RIC3: variants seen among roughly 807,000 people sequenced by gnomAD.
The protein encoded by RIC3 is RIC3 acetylcholine receptor chaperone, also known as protein RIC-3.
A neutral mutation model predicts 27.3 loss-of-function variants in RIC3; 28 were observed. The observed-to-expected ratio is 1.02, with a 90% CI of 0.76 to 1.41. The LOEUF (loss-of-function observed/expected upper bound fraction) is 1.41. RIC3 is among the 40% of genes most tolerant of loss of function. RIC3 has a pLI of 0.00. For missense variants in RIC3, 501 were observed against 444.7 expected, an observed-to-expected ratio of 1.13 and a Z score of -1.14; for synonymous variants, 184 against 160.4, an observed-to-expected ratio of 1.15 and a Z score of -1.11.
At chr11:8,098,006 T>C in the RIC3 span, among the ~76,000 whole-genome samples, 1 of 152,044 alleles carries the variant, frequency 6.6e-6, no homozygotes. Flanking sequence ...AGAGCCAGAC[T>C]TGGAGATGGG....
chr11:8,116,136 A>AAC (rs59797675), intron 5 of RIC3, among the ~76,000 whole-genome samples: 9 of 151,948 alleles, frequency 5.9e-5, no homozygotes, highest in East Asian at 1.9e-4. Context: ...CAAAAAATAA[A>AAC]ACACACACAC....
At chr11:8,145,200 A>ATT in intron 1 of RIC3, among the ~76,000 whole-genome samples, 1 of 108,828 alleles carries the variant, frequency 9.2e-6, no homozygotes, top group South Asian at 2.9e-4. Context: ...TTAAAAAAAA[A>ATT]TTAAAAAAAA....
chr11:8,097,963 C>G, the RIC3 span: 5 of 681,486 alleles, frequency 7.3e-6, no homozygotes, highest in Non-Finnish European at 1.3e-5. Context: ...CTGATAATCA[C>G]ATCCAACTGG....
rs1429382481 is a variant in RIC3, at chr11:8,139,849, A to C, written c.351+118T>G. 5.6e-6 allele frequency: 5 copies of C among 887,196 alleles called. No homozygotes were observed. The East Asian group carries it at 1.3e-4, about 23-fold the overall frequency. The allele number at this position is 887,196 out of a possible 1,614,324, so 55.0% of individuals were successfully genotyped here. On this transcript the variant is annotated intron_variant, in intron 2 of 5. Coordinates refer to ENST00000309737, the MANE Select transcript of RIC3 (RefSeq NM_001206671.4). ...CCTCATGAAGAGGAGGCAGGATTTA[A>C]AGAGATGATGGATTTGAAATAATTT...
rs1944717132 is a variant in RIC3 at position 8,106,814 on chromosome 11, C to T, written c.*3884G>A. On this transcript the variant is annotated 3_prime_UTR_variant, in exon 6 of 6. Coordinates refer to ENST00000309737, the MANE Select transcript of RIC3 (RefSeq NM_001206671.4). ...ACAAGAGGTTATAACTAAAGGCACCCGGAGACTGCAGAAGGGCCCTGGGCC... is the reference window on the plus strand; with the variant it reads ...ACAAGAGGTTATAACTAAAGGCACCTGGAGACTGCAGAAGGGCCCTGGGCC... 1 of 152,172 alleles carries T rather than the reference C, an allele frequency of 6.6e-6. No homozygotes were observed. Among genetic ancestry groups the T allele is most frequent in the African/African-American group, 2.4e-5 (1 of 41,434 alleles). 9.4% of individuals were successfully genotyped at this position (152,172 alleles called of 1,614,324 possible). A position where few individuals can be genotyped will look rare whatever the true frequency, so the allele number is the denominator to read the frequency against.
chr11:8,116,889 C>G (rs1025078976), intron 5 of RIC3, among the ~76,000 whole-genome samples: 17 of 152,090 alleles, frequency 1.1e-4, no homozygotes, highest in African/African-American at 3.9e-4. Flanking sequence ...TCATATGATC[C>G]AGTAATCCCA....
the RIC3 span, chr11:8,100,647 T>C: frequency 3.8e-6 from 6 of 1,586,312 alleles, no homozygotes; most frequent in Non-Finnish European, 5.2e-6. Context: ...CATCCTAGTC[T>C]CTGCATGAGC....
At chr11:8,101,090 A>G (rs553708725), downstream of RIC3, 143 of 1,441,614 alleles carry the variant, frequency 9.9e-5, 1 homozygote, top group African/African-American at 1.8e-3. Flanking sequence ...TACACTGGCT[A>G]GAGTTTAAGA....
the RIC3 span, among the ~76,000 whole-genome samples, chr11:8,096,229 T>C: frequency 3.8e-4 from 58 of 152,272 alleles, no homozygotes; most frequent in South Asian, 6.6e-3. Flanking sequence ...CCCCTCCACA[T>C]TGGGCTGAGG....
chr11:8,168,914 C>T lies in RIC3; in HGVS notation c.76G>A (p.Ala26Thr). ...VLALSLLLPK[A>T]FLSRGKRQEP... ...TGCCGCTTCCCGCGGGACAGGAAGG[C>T]CTTGGGCAGCAGCAGCGACAGAGCC... The change falls in exon 1 of 6, where the codon GCC (alanine) becomes ACC (threonine). Residue 26 changes from alanine to threonine, a missense_variant. Transcript: ENST00000309737. 3 of 1,612,108 alleles carry T rather than the reference C, an allele frequency of 1.9e-6. No individual in the cohort carries two copies. Among genetic ancestry groups the T allele is most frequent in the Non-Finnish European group, 2.5e-6 (3 of 1,179,170 alleles).
At chr11:8,142,634 T>A (rs1351604271) in intron 1 of RIC3, among the ~76,000 whole-genome samples, 2 of 145,602 alleles carry the variant, frequency 1.4e-5, no homozygotes, top group Non-Finnish European at 3.0e-5. Flanking sequence ...CTGAAACTAC[T>A]CCAATCAATA....
chr11:8,131,240 G>A (rs1439936574), intron 4 of RIC3, among the ~76,000 whole-genome samples: 1 of 152,186 alleles, frequency 6.6e-6, no homozygotes, highest in East Asian at 1.9e-4. Flanking sequence ...GGAGCCTACA[G>A]TCTTTTGCAG....
chr11:8,152,253 C>A (rs576162462), intron 1 of RIC3, among the ~76,000 whole-genome samples: 2 of 152,244 alleles, frequency 1.3e-5, no homozygotes, highest in African/African-American at 4.8e-5. Context: ...AGGTATACAG[C>A]CAGGAATATG....
At position 8,144,040 on chromosome 11, in the gene RIC3, A is replaced by G. The variant is rs537797205; in HGVS notation, c.125-3847T>C. On this transcript the variant is annotated intron_variant, in intron 1 of 5. Transcript: ENST00000309737. ...TACAAAAATCAATTCAAGATGGATT[A>G]AAGCCTTAAACCTTAGACCTAAAAC... is the stretch of plus-strand genomic sequence containing the variant. Among the ~76,000 whole-genome samples the G allele has an allele frequency of 6.3e-3, 964 of 152,314 alleles. 19 individuals carry two copies. The highest frequency in any genetic ancestry group is 0.05 in the Admixed American group (770 of 15,274).
chr11:8,112,704 T>A (rs1945412508), intron 5 of RIC3, among the ~76,000 whole-genome samples: 2 of 152,254 alleles, frequency 1.3e-5, no homozygotes, highest in African/African-American at 4.8e-5. Flanking sequence ...CATCTCTCCA[T>A]GTCATTAGGC....
chr11:8,095,919 C>A, the RIC3 span, among the ~76,000 whole-genome samples: 1 of 152,222 alleles, frequency 6.6e-6, no homozygotes, highest in African/African-American at 2.4e-5. Flanking sequence ...CAAGAAGTTT[C>A]CCATATGTTT....
chr11:8,150,729 C>A (rs905084417), intron 1 of RIC3, among the ~76,000 whole-genome samples: 6 of 152,184 alleles, frequency 3.9e-5, no homozygotes, highest in African/African-American at 1.2e-4. Flanking sequence ...TTGAAGGCAA[C>A]TGAGAAGCCT....
At position 8,111,156 on chromosome 11, in the gene RIC3, CAAAGTATTACAAAGAA is replaced by C. The variant is rs1945211432; in HGVS notation, c.671-35_671-20del. The stretch of plus-strand genomic sequence containing the variant: ...GGGTAACCTAGAGAGAAAAGTAGCA[CAAAGTATTACAAAGAA>C]TGTCTCCTCAAAAAAAAAAAAAATA... On this transcript the variant is annotated intron_variant, in intron 5 of 5. Transcript: ENST00000309737. 6.9e-7 allele frequency: 1 copy of C among 1,447,306 alleles called. No homozygotes were observed. Among genetic ancestry groups the C allele is most frequent in the African/African-American group, 1.5e-5 (1 of 68,042 alleles). 89.7% of individuals were successfully genotyped at this position (1,447,306 alleles called of 1,614,324 possible).
chr11:8,145,833 C>A (rs527273944), intron 1 of RIC3, among the ~76,000 whole-genome samples: 1 of 152,136 alleles, frequency 6.6e-6, no homozygotes, highest in South Asian at 2.1e-4. Flanking sequence ...AAATAACACT[C>A]TAAATAAATA....
Sources: gnomAD v4.1 joint callset for allele counts (sites outside exome capture counted in the v4.1 genomes callset) on GRCh38, gnomAD v4.1.1 for gene constraint, MANE v1.5 for transcripts, NCBI Gene and HGNC (gene_info 2026-07-23, HGNC 2026-07-21) for gene names.